PCDHA2: variants seen among roughly 807,000 people sequenced by gnomAD.
The protein encoded by PCDHA2 is protocadherin alpha-2.
Under a neutral mutation model 66.0 loss-of-function variants are expected in PCDHA2, and 58 were observed. The ratio of observed to expected loss-of-function variants is 0.88; its 90% CI spans 0.71 to 1.09. The LOEUF (loss-of-function observed/expected upper bound fraction) is 1.09. Among genes scored for constraint, PCDHA2 ranks in the 50% least tolerant of loss-of-function variants. The pLI is 0.00. For synonymous variants in PCDHA2, 634 were observed against 554.0 expected (o/e 1.14, Z -2.03); for missense variants, 1,267 against 1,242.3 (o/e 1.02, Z -0.30).
intron 1 of PCDHA2, among the ~76,000 whole-genome samples, chr5:140,879,327 A>G (rs2057945221): frequency 6.6e-6 from 1 of 152,232 alleles, no homozygotes; most frequent in South Asian, 2.1e-4. Context: ...TCACTTTTTT[A>G]GTTTGTTCAG....
At chr5:140,817,430 G>A (rs1172581064) in intron 1 of PCDHA2, 2 of 152,156 alleles carry the variant, frequency 1.3e-5, no homozygotes, top group Non-Finnish European at 2.9e-5. Context: ...CCTGTGGAGG[G>A]TCTGGGGATT....
intron 3 of PCDHA2, among the ~76,000 whole-genome samples, chr5:140,991,953 G>A (rs545142966): frequency 3.9e-5 from 6 of 152,110 alleles, no homozygotes; most frequent in Non-Finnish European, 8.8e-5. Context: ...TTAGAATGCA[G>A]TCATTTTGGT....
intron 1 of PCDHA2, chr5:140,807,109 C>A: frequency 1.3e-6 from 2 of 1,483,570 alleles, no homozygotes; most frequent in African/African-American, 1.4e-5. Flanking sequence ...GATGCAGCTG[C>A]ACTTGACTGA....
chr5:140,991,501 A>G (rs1223011478), intron 3 of PCDHA2, among the ~76,000 whole-genome samples: 1 of 152,216 alleles, frequency 6.6e-6, no homozygotes, highest in East Asian at 1.9e-4. Context: ...AGTGAGTTTC[A>G]CTGGCTAAAA....
rs2150425951 is a variant in PCDHA2 at position 140,848,946 on chromosome 5, C to A, written c.2388+51594C>A. The A allele has an allele frequency of 3.1e-6, 5 of 1,607,242 alleles. No individual in the cohort carries two copies. In the South Asian group the frequency reaches 5.5e-5, roughly 18 times the overall value. ...CGCGGAATCCAGGCCGCTTGACTCT[C>A]GGTTTCCACTAGAGGGCGCGTCCGA... On this transcript the variant is annotated intron_variant, in intron 1 of 3. Transcript: ENST00000526136.
chr5:140,910,200 A>C (rs1471024317), intron 1 of PCDHA2, among the ~76,000 whole-genome samples: 1 of 152,200 alleles, frequency 6.6e-6, no homozygotes, highest in East Asian at 1.9e-4. Flanking sequence ...TCTTTTGTCC[A>C]CTTGACCTGG....
chr5:140,854,873 T>C (rs575703507), intron 1 of PCDHA2, among the ~76,000 whole-genome samples: 7 of 150,078 alleles, frequency 4.7e-5, no homozygotes, highest in African/African-American at 1.7e-4. Flanking sequence ...TTCAGAACTG[T>C]GTCTTTTGGG....
At chr5:140,841,595 C>G (rs2150318765) in intron 1 of PCDHA2, 1 of 1,614,060 alleles carries the variant, frequency 6.2e-7, no homozygotes, top group Non-Finnish European at 8.5e-7. Flanking sequence ...TCGGATCGAC[C>G]GCGAGGAGCT....
chr5:140,868,875 C>T (rs1033473828), intron 1 of PCDHA2: 3 of 661,952 alleles, frequency 4.5e-6, no homozygotes, highest in African/African-American at 3.6e-5. Context: ...GTGCACAGTA[C>T]TCACAGTTTT....
intron 1 of PCDHA2, chr5:140,875,535 T>C (rs1554167741): frequency 3.1e-6 from 5 of 1,614,134 alleles, no homozygotes; most frequent in Admixed American, 3.3e-5. Context: ...TTCTGCTCCT[T>C]GCAGCCTGGG....
chr5:140,950,605 A>T (rs1199751655), intron 1 of PCDHA2, among the ~76,000 whole-genome samples: 1 of 151,926 alleles, frequency 6.6e-6, no homozygotes, highest in Non-Finnish European at 1.5e-5. Flanking sequence ...TTTGACTATG[A>T]TGTGCTTATT....
chr5:140,972,386 A>G (rs2096534472), intron 1 of PCDHA2, among the ~76,000 whole-genome samples: 1 of 148,802 alleles, frequency 6.7e-6, no homozygotes, highest in African/African-American at 2.5e-5. Flanking sequence ...GTATTTGTTT[A>G]TTTGCTTCAC....
At chr5:140,832,957 G>A in intron 1 of PCDHA2, among the ~76,000 whole-genome samples, 1 of 152,166 alleles carries the variant, frequency 6.6e-6, no homozygotes, top group Non-Finnish European at 1.5e-5. Flanking sequence ...TGAGTATACA[G>A]AAAATTCCAA....
chr5:140,904,502 G>T (rs1554191560), intron 1 of PCDHA2, among the ~76,000 whole-genome samples: 2 of 151,770 alleles, frequency 1.3e-5, no homozygotes, highest in African/African-American at 4.8e-5. Flanking sequence ...TTTTACAATT[G>T]TGAATTGTGC....
At chr5:140,827,914 G>C (rs1479544494) in intron 1 of PCDHA2, 1 of 863,992 alleles carries the variant, frequency 1.2e-6, no homozygotes, top group African/African-American at 1.7e-5. Flanking sequence ...GCATGATGTC[G>C]CTGTCTACCA....
At chr5:140,948,957 C>G (rs1338643900) in intron 1 of PCDHA2, among the ~76,000 whole-genome samples, 2 of 151,542 alleles carry the variant, frequency 1.3e-5, no homozygotes, top group Admixed American at 1.3e-4. Context: ...AAATTAAAGC[C>G]ACGAATTTAT....
chr5:140,856,210 G>A, intron 1 of PCDHA2: 1 of 1,598,116 alleles, frequency 6.3e-7, no homozygotes, highest in Non-Finnish European at 8.6e-7. Flanking sequence ...TGGGGCTGGA[G>A]CTGGCGGAGC....
At position 140,851,979 on chromosome 5, in the gene PCDHA2, G is replaced by A. The variant is rs117939942; in HGVS notation, c.2388+54627G>A. 36 of 976,672 alleles carry A rather than the reference G, an allele frequency of 3.7e-5. No individual in the cohort carries two copies. In the East Asian group the frequency reaches 3.7e-3, roughly 102 times the overall value. 60.5% of individuals were successfully genotyped at this position (976,672 alleles called of 1,614,324 possible). ...GGTGGTTTTCCACACTCTACCTTTA[G>A]TGCAAGCTATTTGTTTGTTTTCTAA... On this transcript the variant is annotated intron_variant, in intron 1 of 3. Coordinates refer to ENST00000526136, the MANE Select transcript of PCDHA2 (RefSeq NM_018905.3).
intron 1 of PCDHA2, among the ~76,000 whole-genome samples, chr5:140,931,548 G>C (rs2087590460): frequency 6.6e-6 from 1 of 151,968 alleles, no homozygotes; most frequent in African/African-American, 2.4e-5. Flanking sequence ...CTGTTCATAT[G>C]TGCAGGAATA....
Sources: allele counts gnomAD v4.1 joint callset (sites outside exome capture counted in the v4.1 genomes callset), GRCh38; gene constraint gnomAD v4.1.1; transcripts MANE v1.5; gene names NCBI Gene and HGNC (gene_info 2026-07-23, HGNC 2026-07-21).